The following EIF3H variants were observed in gnomAD, a reference collection of about 807,000 sequenced individuals.
EIF3H encodes eukaryotic translation initiation factor 3 subunit H, also known as eIF-3-gamma.
A neutral mutation model predicts 44.2 loss-of-function variants in EIF3H; 26 were observed. The observed-to-expected ratio is 0.59, with a 90% CI of 0.43 to 0.82. The LOEUF (loss-of-function observed/expected upper bound fraction) is 0.82, where lower values mean the gene tolerates loss of function less well. Ranked by LOEUF, EIF3H falls within the 40% of genes least tolerant of loss-of-function variation. The pLI is 0.00. For synonymous variants in EIF3H, 166 were observed against 151.9 expected, an observed-to-expected ratio of 1.09 and a Z score of -0.68; for missense variants, 359 against 432.8, an observed-to-expected ratio of 0.83 and a Z score of 1.51.
intron 2 of EIF3H, among the ~76,000 whole-genome samples, chr8:116,679,256 C>T (rs1302675193): frequency 8.6e-4 from 7 of 8,144 alleles, no homozygotes; most frequent in East Asian, 4.5e-3. Flanking sequence ...AAGTGAGGAG[C>T]CCCTCTGCCC....
intron 2 of EIF3H, among the ~76,000 whole-genome samples, chr8:116,701,402 T>C (rs556327824): frequency 1.3e-5 from 2 of 152,298 alleles, no homozygotes; most frequent in South Asian, 4.1e-4. Flanking sequence ...GTGTTTTTCA[T>C]ATACCTCCAA....
intron 2 of EIF3H, among the ~76,000 whole-genome samples, chr8:116,691,644 G>C (rs1005330964): frequency 6.6e-6 from 1 of 152,036 alleles, no homozygotes; most frequent in African/African-American, 2.4e-5. Context: ...GAAGGACAAG[G>C]CAGGAGGATC....
At chr8:116,752,736 A>AGG in intron 1 of EIF3H, among the ~76,000 whole-genome samples, 1 of 87,130 alleles carries the variant, frequency 1.1e-5, no homozygotes, top group South Asian at 4.7e-4. Flanking sequence ...AAGAAAGAAG[A>AGG]GAAAGAAAGA....
intron 1 of EIF3H, among the ~76,000 whole-genome samples, chr8:116,736,523 G>C (rs544939642): frequency 2.6e-5 from 4 of 152,150 alleles, no homozygotes; most frequent in African/African-American, 9.7e-5. Flanking sequence ...TTAGCTGGGC[G>C]TGGTGGCACG....
chr8:116,686,537 GCT>G (rs1164067477), intron 2 of EIF3H, among the ~76,000 whole-genome samples: 3 of 151,918 alleles, frequency 2.0e-5, no homozygotes, highest in African/African-American at 2.4e-5. Context: ...TGAGCACTTA[GCT>G]CTGTTTCTAG....
intron 5 of EIF3H, among the ~76,000 whole-genome samples, chr8:116,654,183 A>C (rs1030549831): frequency 2.6e-5 from 4 of 152,238 alleles, no homozygotes; most frequent in Non-Finnish European, 5.9e-5. Context: ...ACTTTAAATA[A>C]CTTCATATGG....
intron 1 of EIF3H, among the ~76,000 whole-genome samples, chr8:116,750,570 C>T (rs534347734): frequency 2.6e-5 from 4 of 151,972 alleles, no homozygotes; most frequent in South Asian, 2.1e-4. Context: ...CCACCACGCC[C>T]GACTAATTTT....
chr8:116,650,077 T>G (rs1813363520), intron 5 of EIF3H, among the ~76,000 whole-genome samples: 1 of 152,206 alleles, frequency 6.6e-6, no homozygotes, highest in Non-Finnish European at 1.5e-5. Context: ...GCAATGTAGT[T>G]TGTTGTGAAT....
intron 1 of EIF3H, among the ~76,000 whole-genome samples, chr8:116,738,804 C>G (rs1034132764): frequency 1.3e-5 from 2 of 152,196 alleles, no homozygotes; most frequent in Non-Finnish European, 2.9e-5. Flanking sequence ...ACAACCTGTT[C>G]ATCTTTTTAA....
chr8:116,671,663 T>G (rs891609149), intron 2 of EIF3H, among the ~76,000 whole-genome samples: 1 of 152,166 alleles, frequency 6.6e-6, no homozygotes, highest in African/African-American at 2.4e-5. Context: ...GACATAGTAG[T>G]GTAGAGGAGC....
Position 116,645,085 on chromosome 8 carries a change from C to T in EIF3H, c.980G>A (p.Cys327Tyr), listed in dbSNP as rs375650982. 6 of 1,613,936 alleles carry T rather than the reference C, an allele frequency of 3.7e-6. No homozygotes were observed. The highest frequency in any genetic ancestry group is 4.2e-6 in the Non-Finnish European group (5 of 1,179,912). Residue 327 changes from cysteine (C) to tyrosine (Y), a missense_variant, in exon 8 of 8, where the codon TGC becomes TAC. By Grantham distance (194) the Cys-to-Tyr change is radical. Around this residue, in one of 5 missense-constraint regions of EIF3H, gnomAD observed 94 missense variants for 96.0 expected, o/e 0.98. Transcript: ENST00000521861. Reference protein sequence around the residue: ...LLIAGQINTYCQNIKEFTAQN... With the variant: ...LLIAGQINTYYQNIKEFTAQN... ...GGCAGTGAACTCCTTGATGTTCTGGCAGTAAGTGTTTATCTGGCCTGTGCA... is the reference window on the plus strand; with the variant it reads ...GGCAGTGAACTCCTTGATGTTCTGGTAGTAAGTGTTTATCTGGCCTGTGCA...
intron 2 of EIF3H, among the ~76,000 whole-genome samples, chr8:116,685,254 A>T (rs1210115831): frequency 6.6e-6 from 1 of 152,186 alleles, no homozygotes; most frequent in Non-Finnish European, 1.5e-5. Context: ...AACGTGTAAC[A>T]TGCCTCAGGA....
intron 2 of EIF3H, among the ~76,000 whole-genome samples, chr8:116,692,363 A>G (rs1814193760): frequency 6.6e-6 from 1 of 152,234 alleles, no homozygotes; most frequent in Admixed American, 6.5e-5. Flanking sequence ...AAAAGATTAT[A>G]TATTTACAAA....
intron 2 of EIF3H, among the ~76,000 whole-genome samples, chr8:116,666,725 A>G (rs1202411891): frequency 6.9e-6 from 1 of 145,956 alleles, no homozygotes; most frequent in Non-Finnish European, 1.5e-5. Context: ...GTATGTTAGA[A>G]GACCAAATGA....
intron 2 of EIF3H, among the ~76,000 whole-genome samples, chr8:116,672,584 C>A (rs957227381): frequency 7.9e-5 from 12 of 151,712 alleles, no homozygotes; most frequent in Non-Finnish European, 1.8e-4. Context: ...GAGCTATGAT[C>A]ATGCCACTGC....
intron 2 of EIF3H, among the ~76,000 whole-genome samples, chr8:116,713,599 C>T (rs1306349763): frequency 6.6e-6 from 1 of 152,100 alleles, no homozygotes; most frequent in Non-Finnish European, 1.5e-5. Context: ...AATACGAGAA[C>T]TGATGCTTCC....
intron 2 of EIF3H, among the ~76,000 whole-genome samples, chr8:116,716,455 C>T (rs1395482671): frequency 6.6e-6 from 1 of 152,080 alleles, no homozygotes; most frequent in African/African-American, 2.4e-5. Context: ...AGTGTATTTT[C>T]GTTTCAGTGC....
intron 2 of EIF3H, among the ~76,000 whole-genome samples, chr8:116,679,145 C>G (rs1175561974): frequency 1.4e-5 from 1 of 73,694 alleles, no homozygotes; most frequent in Non-Finnish European, 3.5e-5. Context: ...GCCCGGCCAG[C>G]CGCCCCGTCC....
chr8:116,734,161 C>T (rs1263182276), intron 1 of EIF3H: 1 of 406,482 alleles, frequency 2.5e-6, no homozygotes, highest in East Asian at 7.1e-5. Context: ...AAGATCCTCA[C>T]ACTTTAGGAG....
Sources: gnomAD v4.1 joint callset for allele counts (sites outside exome capture counted in the v4.1 genomes callset) on GRCh38, gnomAD v4.1.1 for gene constraint, gnomAD v4.1.1 regional missense constraint, MANE v1.5 for transcripts, NCBI Gene and HGNC (gene_info 2026-07-23, HGNC 2026-07-21) for gene names.